Variants in KCNAB1 observed in about 807,000 individuals in gnomAD.
The protein encoded by KCNAB1 is potassium voltage-gated channel subfamily A regulatory beta subunit 1, also known as voltage-gated potassium channel subunit beta-1.
Under a neutral mutation model 64.6 loss-of-function variants are expected in KCNAB1, and 35 were observed. The ratio of observed to expected loss-of-function variants is 0.54; its 90% confidence interval spans 0.41 to 0.72. The LOEUF (loss-of-function observed/expected upper bound fraction) is 0.72. Ranked by LOEUF, KCNAB1 falls within the 30% of genes least tolerant of loss-of-function variation. The pLI is 0.00. For synonymous variants in KCNAB1, 177 were observed against 183.8 expected, an observed-to-expected ratio of 0.96 and a Z score of 0.30; for missense variants, 401 against 512.9, an observed-to-expected ratio of 0.78 and a Z score of 2.11.
chr3:156,531,163 C>G (rs1718676169), intron 12 of KCNAB1, among the ~76,000 whole-genome samples: 1 of 152,198 alleles, frequency 6.6e-6, no homozygotes, highest in Admixed American at 6.5e-5. Context: ...GAGAATCTTA[C>G]AATCCATTGT....
chr3:156,487,251 T>C (rs1715283991), intron 8 of KCNAB1, among the ~76,000 whole-genome samples: 1 of 152,148 alleles, frequency 6.6e-6, no homozygotes, highest in Admixed American at 6.6e-5. Flanking sequence ...ATAAAATTCA[T>C]ACATTATACA....
At chr3:156,224,173 C>A in intron 1 of KCNAB1, among the ~76,000 whole-genome samples, 1 of 152,246 alleles carries the variant, frequency 6.6e-6, no homozygotes, top group East Asian at 1.9e-4. Context: ...GGGTGCTAAG[C>A]CTCTCACTGC....
At chr3:156,137,712 A>ATTTTTTTTTTTTT (rs66960245) in intron 1 of KCNAB1, among the ~76,000 whole-genome samples, 1 of 141,062 alleles carries the variant, frequency 7.1e-6, no homozygotes, top group African/African-American at 2.7e-5. Context: ...CGTCTGGCTA[A>ATTTTTTTTTTTTT]TTTTTTTTTT....
At chr3:156,235,401 G>A (rs191718467) in intron 1 of KCNAB1, among the ~76,000 whole-genome samples, 15 of 152,170 alleles carry the variant, frequency 9.9e-5, no homozygotes, top group Admixed American at 7.2e-4. Flanking sequence ...CATGTTGCTC[G>A]ACTAAGCAGC....
At chr3:156,418,804 CTG>C (rs1715272278) in intron 1 of KCNAB1, among the ~76,000 whole-genome samples, 1 of 152,170 alleles carries the variant, frequency 6.6e-6, no homozygotes, top group Non-Finnish European at 1.5e-5. Context: ...AATTTCATAA[CTG>C]TTCTATCTAG....
chr3:156,417,048 T>C (rs148479070), intron 1 of KCNAB1, among the ~76,000 whole-genome samples: 185 of 152,342 alleles, frequency 1.2e-3, no homozygotes, highest in Middle Eastern at 0.01. Flanking sequence ...TGAGTCATTA[T>C]TTACTTACCA....
intron 1 of KCNAB1, among the ~76,000 whole-genome samples, chr3:156,169,078 AT>A (rs1174761514): frequency 6.6e-6 from 1 of 152,156 alleles, no homozygotes; most frequent in East Asian, 1.9e-4. Context: ...TGTTAAATTG[AT>A]TTTTTTACAC....
At chr3:156,510,552 C>T (rs1717138239) in intron 8 of KCNAB1, among the ~76,000 whole-genome samples, 1 of 152,166 alleles carries the variant, frequency 6.6e-6, no homozygotes, top group African/African-American at 2.4e-5. Context: ...ATCCCTTCAG[C>T]TCCTGTCCTA....
chr3:156,152,749 C>G (rs1715488344), intron 1 of KCNAB1, among the ~76,000 whole-genome samples: 1 of 152,186 alleles, frequency 6.6e-6, no homozygotes, highest in South Asian at 2.1e-4. Context: ...AATTTTACGG[C>G]ACTCTATAAC....
At chr3:156,302,329 G>T (rs1199281060) in intron 1 of KCNAB1, among the ~76,000 whole-genome samples, 1 of 152,058 alleles carries the variant, frequency 6.6e-6, no homozygotes, top group Non-Finnish European at 1.5e-5. Flanking sequence ...TAATATGTGC[G>T]CAGTTTCCAG....
intron 1 of KCNAB1, among the ~76,000 whole-genome samples, chr3:156,204,692 A>T (rs1714545929): frequency 6.6e-6 from 1 of 152,012 alleles, no homozygotes; most frequent in African/African-American, 2.4e-5. Context: ...CATTAACTGG[A>T]TGTGGTGGCA....
In KCNAB1 at chr3:156,465,667, A is replaced by C; in HGVS notation, c.552A>C (p.Ser184=). 6.2e-7 allele frequency: 1 copy of C among 1,613,570 alleles called. No individual in the cohort carries two copies. The highest frequency in any genetic ancestry group is 8.5e-7 in the Non-Finnish European group (1 of 1,179,560). Residue 184 remains serine, a synonymous_variant, in exon 7 of 14, where the codon TCA becomes TCC. Transcript: ENST00000490337. ...GGKAETERGL[S]RKHIIEGLKG... Reference sequence around the variant, plus strand: ...GAGCTGAAACAGAAAGAGGGCTGTCAAGAAAGCATATTATTGAAGGTGGGT... The same window carrying C: ...GAGCTGAAACAGAAAGAGGGCTGTCCAGAAAGCATATTATTGAAGGTGGGT...
intron 1 of KCNAB1, among the ~76,000 whole-genome samples, chr3:156,322,201 G>T (rs1420557869): frequency 6.6e-6 from 1 of 152,198 alleles, no homozygotes; most frequent in Non-Finnish European, 1.5e-5. Flanking sequence ...GTTCTTAGAT[G>T]AAGGAAACCA....
rs538694563 is a variant in KCNAB1 at position 156,401,035 on chromosome 3, G to A, written c.276-20581G>A. ...AGAAGAGAACTTATTGAACTTTTAG[G>A]TTTCCTAATGAGAAAATCTCCTTCT... On this transcript the variant is annotated intron_variant, in intron 1 of 13. Coordinates refer to ENST00000490337, the MANE Select transcript of KCNAB1 (RefSeq NM_172160.3). Among the ~76,000 whole-genome samples the A allele has an allele frequency of 9.3e-4, 141 of 152,200 alleles. 1 individual carries two copies. In the South Asian group the frequency reaches 0.014, roughly 15 times the overall value.
chr3:156,121,053 C>G (rs1468122461), intron 1 of KCNAB1, among the ~76,000 whole-genome samples, 167 bp downstream of exon 1: 1 of 152,152 alleles, frequency 6.6e-6, no homozygotes, highest in Non-Finnish European at 1.5e-5. Context: ...GATCTTGGTG[C>G]AAATGGCAAA....
chr3:156,290,525 AGCAATT>A (rs1272177208), intron 1 of KCNAB1, among the ~76,000 whole-genome samples: 38 of 152,174 alleles, frequency 2.5e-4, no homozygotes, highest in Non-Finnish European at 5.6e-4. Context: ...ACATTTATTG[AGCAATT>A]GCTTTGCACC....
intron 1 of KCNAB1, among the ~76,000 whole-genome samples, chr3:156,145,027 A>AT (rs1714958763): frequency 6.6e-6 from 1 of 152,184 alleles, no homozygotes; most frequent in African/African-American, 2.4e-5. Flanking sequence ...GGGAGCAGTC[A>AT]TCCCCCAGCC....
chr3:156,276,139 T>G (rs1262463976), intron 1 of KCNAB1, among the ~76,000 whole-genome samples: 1 of 152,208 alleles, frequency 6.6e-6, no homozygotes, highest in Non-Finnish European at 1.5e-5. Context: ...AAAACAACAT[T>G]AATCCCCTTG....
chr3:156,424,700 A>G (rs1432937074), intron 2 of KCNAB1, among the ~76,000 whole-genome samples: 1 of 152,164 alleles, frequency 6.6e-6, no homozygotes, highest in Non-Finnish European at 1.5e-5. Context: ...TAAGACAATA[A>G]CAAATTCAGG....
Sources: gnomAD v4.1 joint callset for allele counts (sites outside exome capture counted in the v4.1 genomes callset) on GRCh38, gnomAD v4.1.1 for gene constraint, MANE v1.5 for transcripts, NCBI Gene and HGNC (gene_info 2026-07-23, HGNC 2026-07-21) for gene names.